GPNMB: variants seen among roughly 807,000 people sequenced by gnomAD.
The protein encoded by GPNMB is transmembrane glycoprotein NMB.
A neutral mutation model predicts 57.3 loss-of-function variants in GPNMB; 71 were observed. That is an observed-to-expected ratio of 1.24 (90% CI 1.02 to 1.51). The LOEUF is 1.51. Ranked by LOEUF, GPNMB falls within the 40% of genes most tolerant of loss-of-function variation. GPNMB has a pLI of 0.00. For missense variants in GPNMB, 677 were observed against 691.9 expected (o/e 0.98, Z 0.24); for synonymous variants, 253 against 263.2 (o/e 0.96, Z 0.38).
At chr7:23,267,388 C>T (rs145357314) in intron 7 of GPNMB, among the ~76,000 whole-genome samples, 20 of 152,306 alleles carry the variant, frequency 1.3e-4, no homozygotes, top group Non-Finnish European at 2.2e-4. Context: ...TTCTGTATGG[C>T]AAGAGGGCTG....
At chr7:23,261,661 T>C (rs59560078) in intron 6 of GPNMB, among the ~76,000 whole-genome samples, 2,354 of 152,050 alleles carry the variant, frequency 0.015, 58 homozygotes, top group African/African-American at 0.054. Context: ...GGGATGGCAT[T>C]AACAGAAATA....
intron 3 of GPNMB, among the ~76,000 whole-genome samples, chr7:23,254,604 T>A (rs1174439592): frequency 6.6e-6 from 1 of 152,210 alleles, no homozygotes; most frequent in African/African-American, 2.4e-5. Context: ...AGAGAATACC[T>A]TGCTGAGTCT....
chr7:23,266,176 C>T (rs1233281158), intron 6 of GPNMB: 4 of 233,874 alleles, frequency 1.7e-5, no homozygotes, highest in Admixed American at 1.0e-4. Context: ...GGCTCGATCT[C>T]CTGACCTCAT....
chr7:23,253,300 G>A lies in GPNMB; in HGVS notation c.71-7G>A, dbSNP rs764723608. On this transcript the variant is annotated splice_polypyrimidine_tract_variant and splice_region_variant and intron_variant, in intron 1 of 10. Transcript: ENST00000258733. ...AAGAATGGAATTTGTTTCGAATATT[G>A]ATACAGGATTTCATGATGTGCTGGG... 6.2e-7 allele frequency: 1 copy of A among 1,610,028 alleles called. No individual in the cohort carries two copies. Among genetic ancestry groups the A allele is most frequent in the South Asian group, 1.1e-5 (1 of 90,278 alleles).
Position 23,274,101 on chromosome 7 carries a change from T to G in GPNMB, c.1560T>G (p.Pro520=), listed in dbSNP as rs745523036. 1 of 1,613,056 alleles carries G rather than the reference T, an allele frequency of 6.2e-7. No homozygotes were observed. The highest frequency in any genetic ancestry group is 1.1e-5 in the South Asian group (1 of 90,996). The part of the protein sequence containing the change: ...HKEYNPIENS[P]GNVVRSKGLS... ...AATACAACCCAATAGAAAATAGTCC[T>G]GGGAATGTGGTCAGAAGCAAAGGCC... Residue 520 remains proline, a synonymous_variant, in exon 11 of 11, where the codon CCT becomes CCG. Transcript: ENST00000258733.
rs1782540870 is a variant in GPNMB at position 23,246,832 on chromosome 7, A to AGTGCCTGCGTCC, written c.-22_-11dup. 6.3e-7 allele frequency: 1 copy of AGTGCCTGCGTCC among 1,580,372 alleles called. No homozygotes were observed. The highest frequency in any genetic ancestry group is 8.7e-7 in the Non-Finnish European group (1 of 1,149,230). Reference sequence around the variant, plus strand: ...CAGAGGAATTCAGAGTTAAACCTTGAGTGCCTGCGTCCGTGAGAATTCAGC... The same window carrying AGTGCCTGCGTCC: ...CAGAGGAATTCAGAGTTAAACCTTGAGTGCCTGCGTCCGTGCCTGCGTCCGTGAGAATTCAGC... On this transcript the variant is annotated 5_prime_UTR_variant, in exon 1 of 11. Transcript: ENST00000258733.
intron 7 of GPNMB, among the ~76,000 whole-genome samples, chr7:23,267,308 G>A (rs917000665): frequency 2.0e-5 from 3 of 152,264 alleles, no homozygotes; most frequent in African/African-American, 7.2e-5. Context: ...AAACAGTTCA[G>A]TTTGACTTTG....
chr7:23,274,039 A>G lies in GPNMB; in HGVS notation c.1524-26A>G, dbSNP rs766457981. ...TATTTCAACTGAAGATCTTTTAAAA[A>G]TAACTAACCAACAGATTGTTTTCAG... On this transcript the variant is annotated intron_variant, in intron 10 of 10. Coordinates refer to ENST00000258733, the MANE Select transcript of GPNMB (RefSeq NM_002510.3). 1.9e-6 allele frequency: 3 copies of G among 1,557,826 alleles called. No individual in the cohort carries two copies. In the African/African-American group the frequency reaches 4.1e-5, roughly 21 times the overall value.
intron 10 of GPNMB, 99 bp downstream of exon 10, chr7:23,273,713 A>G: frequency 2.5e-6 from 2 of 805,090 alleles, no homozygotes; most frequent in Non-Finnish European, 4.2e-6. Flanking sequence ...TTGCTTTTAA[A>G]CATTTTGTGT....
At position 23,266,512 on chromosome 7, in the gene GPNMB, C is replaced by T. The variant is rs1783065820; in HGVS notation, c.1019-5C>T. 1 of 1,612,688 alleles carries T rather than the reference C, an allele frequency of 6.2e-7. No homozygotes were observed. Among genetic ancestry groups the T allele is most frequent in the Non-Finnish European group, 8.5e-7 (1 of 1,178,836 alleles). ...CTCTAAAATCTTATGATTCAAACAC[C>T]CCAGGACCTGCTGGTGACAACCCCC... is the stretch of plus-strand genomic sequence containing the variant. On this transcript the variant is annotated splice_polypyrimidine_tract_variant and splice_region_variant and intron_variant, in intron 6 of 10. Transcript: ENST00000258733.
At chr7:23,273,291 C>A (rs1485035187) in intron 9 of GPNMB, 3 of 484,558 alleles carry the variant, frequency 6.2e-6, no homozygotes, top group Non-Finnish European at 7.3e-6. Context: ...GACGTGACAT[C>A]TCTCCCCCGC....
rs377301691 is a variant in GPNMB at position 23,260,784 on chromosome 7, G to A, written c.1018+11G>A. The stretch of plus-strand genomic sequence containing the variant: ...CCACCCCTTCTTTAGGTAAGGTTTC[G>A]CAGTGATCTTTGAGGGAGGCTCCTT... On this transcript the variant is annotated intron_variant, in intron 6 of 10. Transcript: ENST00000258733. 19 of 1,510,620 alleles carry A rather than the reference G, an allele frequency of 1.3e-5. No individual in the cohort carries two copies. Among genetic ancestry groups the A allele is most frequent in the South Asian group, 2.7e-5 (2 of 73,346 alleles). The allele number at this position is 1,510,620 out of a possible 1,614,324, so 93.6% of individuals were successfully genotyped here.
At chr7:23,257,674 A>AAAACAAAC (rs888925837) in intron 4 of GPNMB, 1 of 152,458 alleles carries the variant, frequency 6.6e-6, no homozygotes, top group Non-Finnish European at 1.5e-5. Context: ...TCCATCTCGA[A>AAAACAAAC]AAACAAACAA....
rs370365955 is a variant in GPNMB, at chr7:23,260,632, G to C, written c.877G>C (p.Val293Leu). 9.3e-6 allele frequency: 15 copies of C among 1,613,950 alleles called. No homozygotes were observed. The African/African-American group carries it at 9.3e-5, about 10-fold the overall frequency. Residue 293 changes from valine (V) to leucine (L), a missense_variant, in exon 6 of 11, where the codon GTT (valine) becomes CTT (leucine). By Grantham distance (32) the Val-to-Leu change is conservative. Transcript: ENST00000258733. Reference protein sequence around the residue: ...WSFGDNTGLFVSTNHTVNHTY... With the variant: ...WSFGDNTGLFLSTNHTVNHTY... ...CTTCGGGGATAATACTGGCCTGTTT[G>C]TTTCCACCAATCATACTGTGAATCA...
At chr7:23,260,832 C>A in intron 6 of GPNMB, 59 bp downstream of exon 6, 1 of 1,268,156 alleles carries the variant, frequency 7.9e-7, no homozygotes, top group Non-Finnish European at 1.1e-6. Context: ...AATATTCACG[C>A]AGGTCATATT....
intron 6 of GPNMB, among the ~76,000 whole-genome samples, chr7:23,263,118 T>C (rs1193128354): frequency 6.6e-6 from 1 of 152,222 alleles, no homozygotes; most frequent in Non-Finnish European, 1.5e-5. Flanking sequence ...CAGATGCTTT[T>C]AATATTTAAG....
chr7:23,257,147 AATG>A (rs780823230), intron 4 of GPNMB, 82 bp downstream of exon 4: 2 of 1,186,254 alleles, frequency 1.7e-6, no homozygotes, highest in Non-Finnish European at 2.5e-6. Flanking sequence ...TATAATTGAG[AATG>A]ATAACACAGA....
intron 9 of GPNMB, among the ~76,000 whole-genome samples, chr7:23,272,846 C>CTTTTTTTTTTTTTTTTTTTTTTTTTTT (rs34346503): frequency 6.4e-5 from 9 of 139,642 alleles, no homozygotes; most frequent in African/African-American, 2.2e-4. Flanking sequence ...AGGTGGTGAT[C>CTTTTTTTTTTTTTTTTTTTTTTTTTTT]TTTTTTTTTT....
intron 6 of GPNMB, among the ~76,000 whole-genome samples, chr7:23,264,214 G>A (rs750142879): frequency 8.6e-5 from 13 of 151,824 alleles, no homozygotes; most frequent in Middle Eastern, 3.4e-3. Context: ...CTCTCACACC[G>A]TTCTCTGGGC....
Sources: allele counts gnomAD v4.1 joint callset (sites outside exome capture counted in the v4.1 genomes callset), GRCh38; gene constraint gnomAD v4.1.1; transcripts MANE v1.5; gene names NCBI Gene and HGNC (gene_info 2026-07-23, HGNC 2026-07-21).